ACACA: variants seen among roughly 807,000 people sequenced by gnomAD.
ACACA encodes the protein acetyl-CoA carboxylase 1.
Under a neutral mutation model 296.1 loss-of-function variants are expected in ACACA, and 103 were observed. The observed-to-expected ratio is 0.35, with a 90% CI of 0.30 to 0.41. The LOEUF (loss-of-function observed/expected upper bound fraction) is 0.41, where lower values mean the gene tolerates loss of function less well. ACACA is among the 10% of genes least tolerant of loss of function. ACACA has a pLI of 1.00. For missense variants in ACACA, 1,554 were observed against 2,989.7 expected, an observed-to-expected ratio of 0.52 and a Z score of 11.20; for synonymous variants, 953 against 1,038.6, an observed-to-expected ratio of 0.92 and a Z score of 1.58.
At chr17:37,152,443 T>C (rs1047580314) in intron 43 of ACACA, among the ~76,000 whole-genome samples, 1 of 152,194 alleles carries the variant, frequency 6.6e-6, no homozygotes, top group Non-Finnish European at 1.5e-5. Flanking sequence ...AATCCTCTTC[T>C]AAGGTAGGAT....
intron 1 of ACACA, among the ~76,000 whole-genome samples, chr17:37,348,970 A>G (rs2048761054): frequency 6.6e-6 from 1 of 151,896 alleles, no homozygotes; most frequent in Admixed American, 6.6e-5. Context: ...AAAAACACCA[A>G]TGCAATAACT....
At chr17:37,363,674 C>T (rs1324205688) in intron 1 of ACACA, among the ~76,000 whole-genome samples, 2 of 152,060 alleles carry the variant, frequency 1.3e-5, no homozygotes, top group East Asian at 1.9e-4. Context: ...AGGGAGGAAA[C>T]AAAGTGCCTT....
intron 21 of ACACA, among the ~76,000 whole-genome samples, chr17:37,244,296 G>A (rs2080578812): frequency 6.6e-6 from 1 of 152,070 alleles, no homozygotes; most frequent in Admixed American, 6.5e-5. Flanking sequence ...AACCCAGGAG[G>A]TGGAGGTTGC....
chr17:37,277,788 A>G, intron 6 of ACACA, 108 bp downstream of exon 6: 1 of 796,572 alleles, frequency 1.3e-6, no homozygotes, highest in South Asian at 1.4e-5. Flanking sequence ...GGCATTTAAT[A>G]ATTTTCGAAA....
chr17:37,206,987 A>G, intron 31 of ACACA, 108 bp from the exon 32 acceptor site: 2 of 1,045,864 alleles, frequency 1.9e-6, no homozygotes, highest in South Asian at 1.3e-5. Flanking sequence ...CCTGGGCTCA[A>G]TAGTTAATTG....
chr17:37,101,876 C>A (rs1161867079), intron 52 of ACACA, among the ~76,000 whole-genome samples: 1 of 152,170 alleles, frequency 6.6e-6, no homozygotes, highest in African/African-American at 2.4e-5. Context: ...ATGGCAAGAC[C>A]ACTGACATGG....
intron 24 of ACACA, among the ~76,000 whole-genome samples, chr17:37,236,652 C>T (rs529277598): frequency 2.4e-4 from 37 of 152,090 alleles, no homozygotes; most frequent in African/African-American, 6.7e-4. Flanking sequence ...GGGTGAAACC[C>T]CATCTCTACT....
At chr17:37,183,848 C>CTTTTTTT (rs775286104) in intron 39 of ACACA, among the ~76,000 whole-genome samples, 1 of 120,068 alleles carries the variant, frequency 8.3e-6, no homozygotes, top group Non-Finnish European at 1.7e-5. Context: ...AGTTTCAGTC[C>CTTTTTTT]TTTTTTTTTT....
chr17:37,362,823 A>T (rs1360828690), intron 1 of ACACA, among the ~76,000 whole-genome samples: 1 of 151,934 alleles, frequency 6.6e-6, no homozygotes, highest in Non-Finnish European at 1.5e-5. Context: ...AAAACGCAAA[A>T]AATTAGCCAG....
chr17:37,133,793 G>A (rs1353173577), intron 45 of ACACA, among the ~76,000 whole-genome samples: 1 of 152,168 alleles, frequency 6.6e-6, no homozygotes, highest in Non-Finnish European at 1.5e-5. Context: ...TTTAAACACA[G>A]GAGTGAGTCA....
chr17:37,331,742 A>G (rs1220823198), intron 2 of ACACA, among the ~76,000 whole-genome samples: 2 of 151,682 alleles, frequency 1.3e-5, no homozygotes, highest in South Asian at 2.1e-4. Flanking sequence ...GGGACTCCCT[A>G]TGTTGCCTAG....
intron 1 of ACACA, among the ~76,000 whole-genome samples, chr17:37,357,549 G>T (rs2049200907): frequency 6.6e-6 from 1 of 152,016 alleles, no homozygotes; most frequent in Non-Finnish European, 1.5e-5. Flanking sequence ...AACACAGATG[G>T]CTTCATAAAT....
intron 10 of ACACA, among the ~76,000 whole-genome samples, chr17:37,269,736 A>G (rs2081982198): frequency 6.9e-6 from 1 of 145,086 alleles, no homozygotes; most frequent in Non-Finnish European, 1.5e-5. Flanking sequence ...CAGTGAAGCA[A>G]GGAGTTTGCT....
chr17:37,364,259 T>G (rs1201921005), intron 1 of ACACA, among the ~76,000 whole-genome samples: 5 of 151,924 alleles, frequency 3.3e-5, no homozygotes, highest in African/African-American at 1.2e-4. Flanking sequence ...ATTGCACCAC[T>G]GTACTCCAGC....
chr17:37,389,224 A>G, intron 1 of ACACA: 1 of 1,561,084 alleles, frequency 6.4e-7, no homozygotes, highest in South Asian at 1.2e-5. Context: ...TCATATTAAT[A>G]CCAGTCATTT....
At chr17:37,311,333 T>C (rs1348614595) in intron 3 of ACACA, among the ~76,000 whole-genome samples, 2 of 152,162 alleles carry the variant, frequency 1.3e-5, no homozygotes. Context: ...CTCCCTCCTT[T>C]GGTCATCCTC....
chr17:37,118,067 C>T (rs1171989238), intron 50 of ACACA, among the ~76,000 whole-genome samples: 1 of 152,172 alleles, frequency 6.6e-6, no homozygotes, highest in African/African-American at 2.4e-5. Flanking sequence ...TGAGATAATA[C>T]AACACCCTGA....
intron 1 of ACACA, among the ~76,000 whole-genome samples, chr17:37,404,830 G>A (rs758558740): frequency 2.6e-5 from 4 of 151,842 alleles, no homozygotes; most frequent in Non-Finnish European, 4.4e-5. Flanking sequence ...CGCCTGCCTC[G>A]GCCTCCCAAA....
intron 1 of ACACA, among the ~76,000 whole-genome samples, chr17:37,384,626 A>G (rs1360508307): frequency 6.6e-6 from 1 of 151,304 alleles, no homozygotes; most frequent in Non-Finnish European, 1.5e-5. Flanking sequence ...ATTTTTATCT[A>G]ATGTGACTTA....
Sources: gnomAD v4.1 joint callset for allele counts (sites outside exome capture counted in the v4.1 genomes callset) on GRCh38, gnomAD v4.1.1 for gene constraint, MANE v1.5 for transcripts, NCBI Gene and HGNC (gene_info 2026-07-23, HGNC 2026-07-21) for gene names.